Variants in PDE4D observed in about 807,000 individuals in gnomAD.
The protein encoded by PDE4D is phosphodiesterase 4D.
A neutral mutation model predicts 87.4 loss-of-function variants in PDE4D; 24 were observed. That is an observed-to-expected ratio of 0.27 (90% CI 0.20 to 0.39). The LOEUF (loss-of-function observed/expected upper bound fraction) is 0.39, where lower values mean the gene tolerates loss of function less well. PDE4D is among the 10% of genes least tolerant of loss of function. The pLI, the probability that PDE4D is intolerant of heterozygous loss-of-function variation, is 1.00. For missense variants in PDE4D, 714 were observed against 1,041.0 expected (o/e 0.69, Z 4.32); for synonymous variants, 384 against 383.2 (o/e 1.00, Z -0.02).
intron 1 of PDE4D, chr5:59,275,313 A>G: frequency 6.4e-7 from 1 of 1,573,168 alleles, no homozygotes; most frequent in Non-Finnish European, 8.6e-7. Context: ...GAAAAGGGGA[A>G]AAGCATGAGA....
At chr5:59,969,854 C>T (rs1760503446) in intron 3 of PDE4D, among the ~76,000 whole-genome samples, 1 of 152,140 alleles carries the variant, frequency 6.6e-6, no homozygotes, top group African/African-American at 2.4e-5. Flanking sequence ...AACTGTGAGT[C>T]AATTAAACCT....
intron 1 of PDE4D, among the ~76,000 whole-genome samples, chr5:59,241,513 A>G (rs539667918): frequency 6.6e-6 from 1 of 152,320 alleles, no homozygotes; most frequent in African/African-American, 2.4e-5. Context: ...TCAGGTTTTA[A>G]TGAGAGAATA....
intron 1 of PDE4D, among the ~76,000 whole-genome samples, chr5:60,246,672 C>A (rs1199032126): frequency 2.0e-5 from 3 of 151,306 alleles, no homozygotes; most frequent in Non-Finnish European, 4.4e-5. Flanking sequence ...ATTTATGTCT[C>A]TATCATTTTC....
At chr5:59,552,269 T>C (rs1371598545) in intron 1 of PDE4D, among the ~76,000 whole-genome samples, 2 of 152,196 alleles carry the variant, frequency 1.3e-5, no homozygotes, top group Non-Finnish European at 2.9e-5. Context: ...ATTATTACTT[T>C]CTATAAAAAA....
intron 1 of PDE4D, among the ~76,000 whole-genome samples, chr5:60,362,580 A>G (rs946018875): frequency 3.3e-5 from 5 of 152,296 alleles, no homozygotes; most frequent in Non-Finnish European, 5.9e-5. Flanking sequence ...ATTTCTGGCT[A>G]GGCACAGTGG....
rs187414052 is a variant in PDE4D at position 59,296,311 on chromosome 5, T to C, written c.456-80343A>G. ...ACCATACAGTGGGATTAGTTTCCAA[T>C]GGTAAACATTTCAGGCCTTCAGGCC... On this transcript the variant is annotated intron_variant, in intron 1 of 14. Transcript: ENST00000340635. Among the ~76,000 whole-genome samples, 180 of 152,246 alleles carry C rather than the reference T, an allele frequency of 1.2e-3. 1 individual carries two copies. The highest frequency in any genetic ancestry group is 3.9e-3 in the African/African-American group (162 of 41,568).
At chr5:59,833,737 A>G (rs1324067718) in intron 1 of PDE4D, among the ~76,000 whole-genome samples, 3 of 151,938 alleles carry the variant, frequency 2.0e-5, no homozygotes, top group African/African-American at 7.2e-5. Flanking sequence ...GGTGTGAGAG[A>G]GGAGGTCAGA....
chr5:59,564,625 A>C (rs896553706), intron 1 of PDE4D, among the ~76,000 whole-genome samples: 1 of 152,176 alleles, frequency 6.6e-6, no homozygotes, highest in Admixed American at 6.5e-5. Flanking sequence ...GGAAGAACTG[A>C]CCAGAAGAGG....
intron 1 of PDE4D, among the ~76,000 whole-genome samples, chr5:59,465,484 C>T (rs1801449121): frequency 1.3e-5 from 2 of 152,096 alleles, no homozygotes; most frequent in African/African-American, 4.8e-5. Context: ...ATAAAATCTC[C>T]TGGTACTGTG....
At chr5:59,685,539 G>C (rs2150379306) in intron 1 of PDE4D, among the ~76,000 whole-genome samples, 1 of 152,204 alleles carries the variant, frequency 6.6e-6, no homozygotes. Flanking sequence ...AATTTTCCCT[G>C]TTTGAAAGCA....
chr5:60,424,784 CCAT>C (rs1743523630), intron 1 of PDE4D, among the ~76,000 whole-genome samples: 2 of 152,136 alleles, frequency 1.3e-5, no homozygotes, highest in African/African-American at 4.8e-5. Context: ...TTAGAAAACC[CCAT>C]CATCTCAGCC....
chr5:59,155,272 T>A (rs1780000397), intron 5 of PDE4D, among the ~76,000 whole-genome samples: 1 of 152,018 alleles, frequency 6.6e-6, no homozygotes. Flanking sequence ...AGAGAGACCA[T>A]GAAGAATAGT....
intron 1 of PDE4D, among the ~76,000 whole-genome samples, chr5:60,407,345 C>T (rs1741627048): frequency 6.6e-6 from 1 of 151,688 alleles, no homozygotes; most frequent in Non-Finnish European, 1.5e-5. Context: ...TGGATCCGCG[C>T]AGTCACAAGC....
At chr5:59,359,107 C>A (rs141415616) in intron 1 of PDE4D, among the ~76,000 whole-genome samples, 6 of 152,208 alleles carry the variant, frequency 3.9e-5, no homozygotes, top group African/African-American at 1.4e-4. Flanking sequence ...CAAGGACATA[C>A]GAATAATCTA....
At chr5:59,879,268 C>T (rs1016844040) in intron 1 of PDE4D, among the ~76,000 whole-genome samples, 6 of 152,180 alleles carry the variant, frequency 3.9e-5, no homozygotes, top group African/African-American at 1.4e-4. Context: ...CAATCAGTGC[C>T]TCTGTAACAT....
intron 5 of PDE4D, among the ~76,000 whole-genome samples, chr5:59,149,730 T>C (rs1344901147): frequency 3.9e-5 from 5 of 129,638 alleles, no homozygotes; most frequent in Admixed American, 1.7e-4. Flanking sequence ...TTTTTTTTTT[T>C]CGGTCAACAG....
intron 1 of PDE4D, among the ~76,000 whole-genome samples, chr5:59,553,769 A>G (rs1818475281): frequency 6.6e-6 from 1 of 152,204 alleles, no homozygotes; most frequent in Non-Finnish European, 1.5e-5. Context: ...TTAATATTTT[A>G]GGAACGAGTA....
At chr5:60,210,959 G>A (rs992845683) in intron 1 of PDE4D, among the ~76,000 whole-genome samples, 2 of 152,172 alleles carry the variant, frequency 1.3e-5, no homozygotes, top group African/African-American at 4.8e-5. Context: ...GCTGAGAAGC[G>A]GCACAGCCAC....
intron 1 of PDE4D, among the ~76,000 whole-genome samples, chr5:60,374,511 C>T (rs1761281373): frequency 6.6e-6 from 1 of 152,162 alleles, no homozygotes; most frequent in South Asian, 2.1e-4. Flanking sequence ...GAGAGTAATC[C>T]TGAACTACTG....
Sources: gnomAD v4.1 joint callset for allele counts (sites outside exome capture counted in the v4.1 genomes callset) on GRCh38, gnomAD v4.1.1 for gene constraint, MANE v1.5 for transcripts, NCBI Gene and HGNC (gene_info 2026-07-23, HGNC 2026-07-21) for gene names.